Variants in MAML3 observed in about 807,000 individuals in gnomAD.
MAML3 encodes mastermind like transcriptional coactivator 3.
A neutral mutation model predicts 101.9 loss-of-function variants in MAML3; 27 were observed. The ratio of observed to expected loss-of-function variants is 0.27; its 90% CI spans 0.20 to 0.37. The LOEUF is 0.37. Among genes scored for constraint, MAML3 ranks in the 10% least tolerant of loss-of-function variants. The probability of loss-of-function intolerance (pLI) is 1.00; values close to 1 mark genes in which losing one functional copy is unlikely to be tolerated. For missense variants in MAML3, 1,316 were observed against 1,444.9 expected, an observed-to-expected ratio of 0.91 and a Z score of 1.45; for synonymous variants, 501 against 555.9, an observed-to-expected ratio of 0.90 and a Z score of 1.39.
chr4:139,875,554 C>T (rs1424753642), intron 2 of MAML3, among the ~76,000 whole-genome samples: 5 of 152,150 alleles, frequency 3.3e-5, no homozygotes, highest in South Asian at 2.1e-4. Context: ...ACAAGCCCAG[C>T]GCACCAGCCA....
chr4:140,150,036 T>C (rs901922169), intron 1 of MAML3, among the ~76,000 whole-genome samples: 7 of 149,576 alleles, frequency 4.7e-5, no homozygotes, highest in Non-Finnish European at 1.0e-4. Context: ...CACATACCAG[T>C]GAGAGATGCA....
At chr4:139,729,974 A>G (rs79382291) in intron 3 of MAML3, among the ~76,000 whole-genome samples, 1,654 of 152,290 alleles carry the variant, frequency 0.011, 33 homozygotes, top group African/African-American at 0.038. Flanking sequence ...TACCCATTCT[A>G]TAGAATTCTT....
chr4:139,891,991 T>C (rs1191660845), intron 1 of MAML3, among the ~76,000 whole-genome samples: 6 of 152,240 alleles, frequency 3.9e-5, no homozygotes, highest in Admixed American at 2.6e-4. Context: ...AAGCTTTTTT[T>C]CTCCTTCTGC....
intron 1 of MAML3, among the ~76,000 whole-genome samples, chr4:139,974,540 T>C (rs995923345): frequency 6.6e-6 from 1 of 152,166 alleles, no homozygotes; most frequent in Non-Finnish European, 1.5e-5. Flanking sequence ...AGTGTACACA[T>C]TAAACAGCTA....
At chr4:139,818,473 A>T (rs1018170652) in intron 2 of MAML3, among the ~76,000 whole-genome samples, 14 of 152,106 alleles carry the variant, frequency 9.2e-5, no homozygotes, top group Non-Finnish European at 2.1e-4. Flanking sequence ...CTTCCATGAG[A>T]TTTTTTCTAA....
intron 1 of MAML3, among the ~76,000 whole-genome samples, chr4:140,039,356 C>T (rs753663043): frequency 2.6e-5 from 4 of 152,056 alleles, no homozygotes; most frequent in Non-Finnish European, 5.9e-5. Context: ...CATGTTCTAG[C>T]GGAAATCCAC....
intron 1 of MAML3, among the ~76,000 whole-genome samples, chr4:140,151,229 G>A (rs1329004625): frequency 1.3e-5 from 2 of 152,032 alleles, no homozygotes; most frequent in Non-Finnish European, 2.9e-5. Context: ...GGGGGAGGAG[G>A]AAGAGGAGGA....
chr4:140,071,979 G>C (rs185809848), intron 1 of MAML3, among the ~76,000 whole-genome samples: 1 of 152,290 alleles, frequency 6.6e-6, no homozygotes, highest in East Asian at 1.9e-4. Flanking sequence ...GGTGGACGTG[G>C]GGGAGGAAGG....
In MAML3 at chr4:140,045,458, G is replaced by GT. The variant is rs543893988; in HGVS notation, c.468+107401dup. On this transcript the variant is annotated intron_variant, in intron 1 of 4. Transcript: ENST00000509479. The stretch of plus-strand genomic sequence containing the variant: ...TTCTAGTGCCTGTTTTTGTTTGTTT[G>GT]TTTTTTTTAATATTGCAATCAATGT... 2.5e-3 allele frequency among the ~76,000 whole-genome samples: 372 copies of GT among 147,110 alleles called. 3 individuals are homozygous for GT. Among genetic ancestry groups the GT allele is most frequent in the African/African-American group, 8.7e-3 (348 of 40,138 alleles).
rs762219049 is a variant in MAML3 at position 139,890,885 on chromosome 4, T to G, written c.551A>C (p.Asn184Thr). 1.9e-6 allele frequency: 3 copies of G among 1,613,714 alleles called. No homozygotes were observed. The highest frequency in any genetic ancestry group is 1.7e-5 in the Admixed American group (1 of 59,958). Residue 184 changes from asparagine to threonine, a missense_variant, in exon 2 of 5, where the codon AAT (asparagine) becomes ACT (threonine). Coordinates refer to ENST00000509479, the MANE Select transcript of MAML3 (RefSeq NM_018717.5). The surrounding 1 kb of genome is among the most constrained non-coding windows in gnomAD (Gnocchi z 4.1). ...AATTCGTTTGCTAGTCGGAGAAAAA[T>G]TCCCATCACAAGCACCATTCTGCTG... is the stretch of plus-strand genomic sequence containing the variant. ...GDQQNGACDG[N>T]FSPTSKRIRK...
At chr4:140,081,321 C>T (rs1021689868) in intron 1 of MAML3, among the ~76,000 whole-genome samples, 2 of 151,902 alleles carry the variant, frequency 1.3e-5, no homozygotes, top group Non-Finnish European at 2.9e-5. Context: ...ACAACCTACA[C>T]CCGAAGTTCC....
At position 139,890,826 on chromosome 4, in the gene MAML3, T is replaced by C. The variant is rs1199455198; in HGVS notation, c.610A>G (p.Asn204Asp). 2 of 1,614,052 alleles carry C rather than the reference T, an allele frequency of 1.2e-6. No individual in the cohort carries two copies. The highest frequency in any genetic ancestry group is 1.7e-6 in the Non-Finnish European group (2 of 1,179,888). Residue 204 changes from asparagine to aspartate, a missense_variant, in exon 2 of 5, where the codon AAC (asparagine) becomes GAC (aspartate). Transcript: ENST00000509479. This position sits in a 1 kb window ranked among gnomAD's most constrained non-coding sequence, Gnocchi z 4.1. ...AGTGGCATGTTACTGGGCAAATTGT[T>C]GATGGCTTCCATCCCCGCAGAAATG... The part of the protein sequence containing the change: ...KDISAGMEAI[N>D]NLPSNMPLPS...
chr4:140,056,359 C>T (rs1476033811), intron 1 of MAML3, among the ~76,000 whole-genome samples: 1 of 143,786 alleles, frequency 7.0e-6, no homozygotes, highest in Non-Finnish European at 1.5e-5. Flanking sequence ...CTTTTCTTTT[C>T]TTTTTTTTTT....
chr4:140,043,461 AT>A (rs1275332452), intron 1 of MAML3, among the ~76,000 whole-genome samples: 2 of 152,152 alleles, frequency 1.3e-5, no homozygotes, highest in African/African-American at 4.8e-5. Flanking sequence ...CATCTGGGGG[AT>A]TCATGACCTT....
intron 1 of MAML3, among the ~76,000 whole-genome samples, chr4:139,972,422 A>G (rs1258209307): frequency 6.6e-6 from 1 of 152,248 alleles, no homozygotes; most frequent in East Asian, 1.9e-4. Context: ...GCCTTATCAG[A>G]AAACAGAGGC....
At chr4:140,151,807 T>A (rs1578712377) in intron 1 of MAML3, among the ~76,000 whole-genome samples, 1 of 149,080 alleles carries the variant, frequency 6.7e-6, no homozygotes, top group South Asian at 2.1e-4. Flanking sequence ...GCTTGGGGGG[T>A]GGGAACTGCC....
chr4:139,920,553 G>T (rs979008649), intron 1 of MAML3, among the ~76,000 whole-genome samples: 1 of 152,216 alleles, frequency 6.6e-6, no homozygotes, highest in Non-Finnish European at 1.5e-5. Context: ...ATTACATTAA[G>T]GGGCCTTTAT....
At chr4:139,937,695 G>C (rs1282518934) in intron 1 of MAML3, among the ~76,000 whole-genome samples, 2 of 151,976 alleles carry the variant, frequency 1.3e-5, no homozygotes, top group Non-Finnish European at 2.9e-5. Flanking sequence ...GCCAGCAAAG[G>C]GTATTTATTA....
At chr4:140,143,538 G>A (rs1055527848) in intron 1 of MAML3, among the ~76,000 whole-genome samples, 17 of 152,112 alleles carry the variant, frequency 1.1e-4, no homozygotes, top group African/African-American at 3.1e-4. Flanking sequence ...CAAGGCGGGC[G>A]GATCATGAGG....
Sources: allele counts gnomAD v4.1 joint callset (sites outside exome capture counted in the v4.1 genomes callset), GRCh38; gene constraint gnomAD v4.1.1; non-coding constraint Gnocchi (gnomAD v3.1); transcripts MANE v1.5; gene names NCBI Gene and HGNC (gene_info 2026-07-23, HGNC 2026-07-21).